The following ZNF654 variants were observed in gnomAD, a reference collection of about 807,000 sequenced individuals.
The protein encoded by ZNF654 is zinc finger protein 654, also known as melanoma-associated antigen.
ZNF654 carries 19 observed loss-of-function variants against 95.3 expected under a neutral mutation model. The ratio of observed to expected loss-of-function variants is 0.20; its 90% confidence interval spans 0.14 to 0.29. The LOEUF (loss-of-function observed/expected upper bound fraction) is 0.29. Ranked by LOEUF, ZNF654 falls within the 10% of genes least tolerant of loss-of-function variation. The probability of loss-of-function intolerance (pLI) is 1.00; values close to 1 mark genes in which losing one functional copy is unlikely to be tolerated. For missense variants in ZNF654, 1,046 were observed against 1,341.0 expected, an observed-to-expected ratio of 0.78 and a Z score of 3.44; for synonymous variants, 413 against 457.9, an observed-to-expected ratio of 0.90 and a Z score of 1.25.
chr3:88,095,533 C>G, intron 2 of ZNF654: 2 of 496,504 alleles, frequency 4.0e-6, no homozygotes, highest in Non-Finnish European at 8.1e-6. Context: ...TTTGCAAGAA[C>G]CAGGTCTGCT....
intron 1 of ZNF654, among the ~76,000 whole-genome samples, chr3:88,071,661 G>A (rs560853991): frequency 3.6e-4 from 51 of 143,492 alleles, no homozygotes; most frequent in Non-Finnish European, 4.3e-4. Flanking sequence ...AAAATTAGCC[G>A]GGCGTGGTGG....
In ZNF654 at chr3:88,143,433, A is replaced by G. The variant is rs1427122352; in HGVS notation, c.*1781A>G. On this transcript the variant is annotated 3_prime_UTR_variant, in exon 9 of 9. Transcript: ENST00000636215. ...AAAAAAATGTTTCCTGTATTTCTTG[A>G]TACTAAAAATGTAATGATTTTTATT... The G allele has an allele frequency of 1.3e-5, 2 of 152,390 alleles. No homozygotes were observed. Among genetic ancestry groups the G allele is most frequent in the East Asian group, 3.9e-4 (2 of 5,188 alleles). 9.4% of individuals were successfully genotyped at this position (152,390 alleles called of 1,614,324 possible).
intron 2 of ZNF654, among the ~76,000 whole-genome samples, chr3:88,109,977 A>G (rs955807568): frequency 6.6e-6 from 1 of 152,164 alleles, no homozygotes; most frequent in African/African-American, 2.4e-5. Context: ...AGCCTGTTAC[A>G]TTTCAACAAA....
chr3:88,095,436 G>T, intron 2 of ZNF654: 1 of 343,438 alleles, frequency 2.9e-6, no homozygotes, highest in Admixed American at 4.3e-5. Flanking sequence ...TTCCTCTTTG[G>T]TTTCTGTATC....
chr3:88,113,077 C>CA, intron 2 of ZNF654, 38 bp from the exon 3 acceptor site: 1 of 1,347,838 alleles, frequency 7.4e-7, no homozygotes, highest in Non-Finnish European at 1.0e-6. Flanking sequence ...GAGCAAAACT[C>CA]AAAGAAGCAA....
At chr3:88,071,515 G>A (rs1000088188) in intron 1 of ZNF654, among the ~76,000 whole-genome samples, 10 of 152,148 alleles carry the variant, frequency 6.6e-5, no homozygotes, top group African/African-American at 1.7e-4. Flanking sequence ...GCGCGGTAGC[G>A]GGCGCCTGTA....
intron 2 of ZNF654, among the ~76,000 whole-genome samples, chr3:88,096,931 T>A (rs941206623): frequency 6.6e-6 from 1 of 152,164 alleles, no homozygotes; most frequent in Non-Finnish European, 1.5e-5. Flanking sequence ...CAAATGCTAG[T>A]ATACTATACA....
chr3:88,091,717 A>G (rs566479828), intron 2 of ZNF654, among the ~76,000 whole-genome samples: 54 of 152,250 alleles, frequency 3.5e-4, no homozygotes, highest in African/African-American at 1.3e-3. Flanking sequence ...TGTTCTCATG[A>G]TAGTGAATAA....
At chr3:88,134,930 G>T (rs540762452) in intron 6 of ZNF654, 131 bp from the exon 7 acceptor site, 10 of 512,998 alleles carry the variant, frequency 1.9e-5, no homozygotes, top group African/African-American at 1.8e-4. Context: ...AAGTAGTTTG[G>T]GGGTGAACGT....
rs1266061941 is a variant in ZNF654 at position 88,141,927 on chromosome 3, G to C, written c.*275G>C. The C allele has an allele frequency of 3.4e-6, 1 of 295,656 alleles. No homozygotes were observed. The highest frequency in any genetic ancestry group is 2.2e-5 in the African/African-American group (1 of 46,208). 18.3% of individuals were successfully genotyped at this position (295,656 alleles called of 1,614,324 possible). Reference sequence around the variant, plus strand: ...TAATAGCAGCAGCATGTTCAGTTTCGCTTATATGAGAAACATGTTTAGGCA... The same window carrying C: ...TAATAGCAGCAGCATGTTCAGTTTCCCTTATATGAGAAACATGTTTAGGCA... On this transcript the variant is annotated 3_prime_UTR_variant, in exon 9 of 9. Coordinates refer to ENST00000636215, the MANE Select transcript of ZNF654 (RefSeq NM_001350134.2).
intron 4 of ZNF654, among the ~76,000 whole-genome samples, chr3:88,126,576 CATCT>C (rs1706112841): frequency 9.2e-6 from 1 of 108,308 alleles, no homozygotes; most frequent in Non-Finnish European, 1.8e-5. Context: ...TAAGTAGAAA[CATCT>C]TTTTTTTTTT....
intron 2 of ZNF654, 113 bp downstream of exon 2, chr3:88,086,515 G>T: frequency 3.2e-6 from 3 of 949,196 alleles, no homozygotes; most frequent in Non-Finnish European, 4.3e-6. Context: ...CCCTCAAAAA[G>T]AAATGTTTAT....
intron 8 of ZNF654, among the ~76,000 whole-genome samples, chr3:88,141,324 A>AT (rs1707117282): frequency 9.7e-6 from 1 of 103,080 alleles, no homozygotes; most frequent in Admixed American, 1.1e-4. Context: ...GGTTTTTCAT[A>AT]TTCTTTGATT....
chr3:88,091,821 G>A (rs556499752), intron 2 of ZNF654, among the ~76,000 whole-genome samples: 55 of 152,136 alleles, frequency 3.6e-4, no homozygotes, highest in African/African-American at 1.2e-3. Context: ...TTCCTCCTTC[G>A]CCTTCTGCTG....
intron 1 of ZNF654, among the ~76,000 whole-genome samples, chr3:88,073,312 G>C (rs755548527): frequency 1.3e-5 from 2 of 152,172 alleles, no homozygotes; most frequent in Non-Finnish European, 2.9e-5. Flanking sequence ...ACTCAAAAAA[G>C]AATTGGTAGA....
At chr3:88,109,650 C>T (rs1450048929) in intron 2 of ZNF654, among the ~76,000 whole-genome samples, 1 of 152,078 alleles carries the variant, frequency 6.6e-6, no homozygotes, top group East Asian at 1.9e-4. Flanking sequence ...TAGACCTGCA[C>T]AGTTTAAATC....
chr3:88,082,222 G>A (rs1471907617), intron 1 of ZNF654, among the ~76,000 whole-genome samples: 1 of 152,012 alleles, frequency 6.6e-6, no homozygotes, highest in Non-Finnish European at 1.5e-5. Flanking sequence ...TGCCTCCCGG[G>A]TTCAAGTGAT....
At chr3:88,112,658 T>C (rs1229585955) in intron 2 of ZNF654, among the ~76,000 whole-genome samples, 1 of 152,024 alleles carries the variant, frequency 6.6e-6, no homozygotes, top group Non-Finnish European at 1.5e-5. Flanking sequence ...GAGAGTTTTA[T>C]GGTGATTTTC....
intron 1 of ZNF654, among the ~76,000 whole-genome samples, chr3:88,061,252 A>G (rs969280744): frequency 6.6e-6 from 1 of 152,160 alleles, no homozygotes; most frequent in Non-Finnish European, 1.5e-5. Context: ...TGCTTTTTAT[A>G]TCAACAACCA....
Sources: gnomAD v4.1 joint callset for allele counts (sites outside exome capture counted in the v4.1 genomes callset) on GRCh38, gnomAD v4.1.1 for gene constraint, MANE v1.5 for transcripts, NCBI Gene and HGNC (gene_info 2026-07-23, HGNC 2026-07-21) for gene names.